The following MMP16 variants were observed in gnomAD, a reference collection of about 807,000 sequenced individuals.
MMP16 encodes matrix metallopeptidase 16, also known as matrix metalloproteinase-16.
MMP16 carries 12 observed loss-of-function variants against 67.8 expected under a neutral mutation model. The observed-to-expected ratio is 0.18, with a 90% confidence interval of 0.11 to 0.29. The LOEUF (loss-of-function observed/expected upper bound fraction) is 0.29, where lower values mean the gene tolerates loss of function less well. MMP16 is among the 10% of genes least tolerant of loss of function. The pLI is 1.00. For missense variants in MMP16, 475 were observed against 765.7 expected (o/e 0.62, Z 4.48); for synonymous variants, 249 against 255.9 (o/e 0.97, Z 0.26).
intron 6 of MMP16, among the ~76,000 whole-genome samples, chr8:88,112,163 G>A (rs139911425): frequency 6.7e-6 from 1 of 150,226 alleles, no homozygotes; most frequent in East Asian, 2.0e-4. Context: ...TTAAAGAACT[G>A]GTCAGTAATG....
chr8:88,137,809 T>G (rs1808146197), intron 4 of MMP16, among the ~76,000 whole-genome samples: 1 of 152,018 alleles, frequency 6.6e-6, no homozygotes, highest in Non-Finnish European at 1.5e-5. Flanking sequence ...TCTTTGTGCT[T>G]AAGCCTGGAT....
At chr8:88,061,125 T>TATAC (rs1171801011) in intron 7 of MMP16, among the ~76,000 whole-genome samples, 2 of 116,640 alleles carry the variant, frequency 1.7e-5, no homozygotes, top group East Asian at 2.1e-4. Flanking sequence ...ATCTGAATAT[T>TATAC]ATACACACAC....
chr8:88,059,322 A>G (rs1408900237), intron 7 of MMP16, among the ~76,000 whole-genome samples: 1 of 152,102 alleles, frequency 6.6e-6, no homozygotes, highest in Non-Finnish European at 1.5e-5. Flanking sequence ...GAGAAAGAAG[A>G]GGCAGTGTTA....
At chr8:88,210,458 A>T (rs914440119) in intron 1 of MMP16, among the ~76,000 whole-genome samples, 2 of 152,184 alleles carry the variant, frequency 1.3e-5, no homozygotes, top group Non-Finnish European at 2.9e-5. Context: ...CCCAGTTGAT[A>T]ACACAATCAA....
chr8:88,197,355 A>G (rs1247207667), intron 1 of MMP16, 49 bp from the exon 2 acceptor site: 3 of 1,463,170 alleles, frequency 2.1e-6, no homozygotes, highest in Admixed American at 5.2e-5. Flanking sequence ...CAATTTAACA[A>G]TAATTTTCTG....
At chr8:88,230,854 T>C (rs1306037290) in intron 1 of MMP16, among the ~76,000 whole-genome samples, 1 of 152,136 alleles carries the variant, frequency 6.6e-6, no homozygotes, top group Non-Finnish European at 1.5e-5. Context: ...GATCTCTCTG[T>C]GAGTCATATG....
At chr8:88,235,131 G>T (rs953292868) in intron 1 of MMP16, among the ~76,000 whole-genome samples, 27 of 152,184 alleles carry the variant, frequency 1.8e-4, no homozygotes, top group African/African-American at 6.0e-4. Flanking sequence ...TTTTAAAAAA[G>T]TTTCACTAGA....
At position 88,046,539 on chromosome 8, in the gene MMP16, A is replaced by G. The variant is rs963031391; in HGVS notation, c.1489+130T>C. 43 of 422,052 alleles carry G rather than the reference A, an allele frequency of 1.0e-4. 1 individual carries two copies. The highest frequency in any genetic ancestry group is 8.4e-4 in the African/African-American group (41 of 49,098). The allele number at this position is 422,052 out of a possible 1,614,324, so 26.1% of individuals were successfully genotyped here. On this transcript the variant is annotated intron_variant, in intron 9 of 9. Transcript: ENST00000286614. The stretch of plus-strand genomic sequence containing the variant: ...TGTAAATCTAGGAAAAAAAGTTCAT[A>G]TAAATAGAAATACAGTATTACATAG...
intron 1 of MMP16, among the ~76,000 whole-genome samples, chr8:88,268,579 T>C (rs1810515992): frequency 6.6e-6 from 1 of 152,184 alleles, no homozygotes; most frequent in African/African-American, 2.4e-5. Flanking sequence ...AGAGGTTTTC[T>C]GGTTAAAAGG....
intron 1 of MMP16, among the ~76,000 whole-genome samples, chr8:88,319,401 G>A (rs1811424109): frequency 6.6e-6 from 1 of 151,850 alleles, no homozygotes; most frequent in Non-Finnish European, 1.5e-5. Flanking sequence ...TAAGCCTGGG[G>A]TCCTGCAAAG....
At chr8:88,048,496 C>T (rs143338604) in intron 8 of MMP16, among the ~76,000 whole-genome samples, 11 of 152,282 alleles carry the variant, frequency 7.2e-5, no homozygotes, top group African/African-American at 2.4e-4. Flanking sequence ...TCACCTATTT[C>T]GGGCAGCCCT....
chr8:88,221,277 C>T (rs1392649354), intron 1 of MMP16, among the ~76,000 whole-genome samples: 1 of 152,016 alleles, frequency 6.6e-6, no homozygotes, highest in Non-Finnish European at 1.5e-5. Context: ...TGTCAAATGC[C>T]AAAAGAAAAC....
intron 7 of MMP16, among the ~76,000 whole-genome samples, chr8:88,068,953 C>A (rs934049738): frequency 6.6e-6 from 1 of 152,090 alleles, no homozygotes; most frequent in African/African-American, 2.4e-5. Context: ...CCACTTGCCT[C>A]CCCCTCCCAA....
intron 6 of MMP16, among the ~76,000 whole-genome samples, chr8:88,113,302 GA>G (rs1178960570): frequency 1.3e-5 from 2 of 151,824 alleles, no homozygotes; most frequent in Non-Finnish European, 2.9e-5. Flanking sequence ...AGATGCTAAG[GA>G]GGGAATATTT....
chr8:88,261,932 C>T (rs1322310283), intron 1 of MMP16, among the ~76,000 whole-genome samples: 1 of 151,992 alleles, frequency 6.6e-6, no homozygotes, highest in African/African-American at 2.4e-5. Flanking sequence ...TTATAAATAA[C>T]TAAAGACTCA....
rs75033733 is a variant in MMP16, at chr8:88,182,149, C to T, written c.404+4327G>A. On this transcript the variant is annotated intron_variant, in intron 3 of 9. Coordinates refer to ENST00000286614, the MANE Select transcript of MMP16 (RefSeq NM_005941.5). ...CACAATACGAGAAGGAAAGAAAATGCTAAGTTGGACATTATTAAAATTACA... is the reference window on the plus strand; with the variant it reads ...CACAATACGAGAAGGAAAGAAAATGTTAAGTTGGACATTATTAAAATTACA... Among the ~76,000 whole-genome samples the T allele has an allele frequency of 9.6e-3, 1,459 of 151,980 alleles. 18 individuals carry two copies. The highest frequency in any genetic ancestry group is 0.034 in the African/African-American group (1,395 of 41,464).
chr8:88,269,119 A>G (rs1054812982), intron 1 of MMP16, among the ~76,000 whole-genome samples: 6 of 152,202 alleles, frequency 3.9e-5, no homozygotes, highest in African/African-American at 1.4e-4. Flanking sequence ...AGAACAGACC[A>G]CAGGAAAGCA....
chr8:88,264,191 T>TACAC (rs796512860), intron 1 of MMP16, among the ~76,000 whole-genome samples: 13 of 150,742 alleles, frequency 8.6e-5, no homozygotes, highest in Non-Finnish European at 1.9e-4. Context: ...CGTGCACACA[T>TACAC]ACACACACAC....
chr8:88,244,337 C>T (rs1810078008), intron 1 of MMP16, among the ~76,000 whole-genome samples: 1 of 152,156 alleles, frequency 6.6e-6, no homozygotes, highest in Admixed American at 6.5e-5. Flanking sequence ...CCTGCAGAAT[C>T]TTAAACGTGA....
Sources: gnomAD v4.1 joint callset for allele counts (sites outside exome capture counted in the v4.1 genomes callset) on GRCh38, gnomAD v4.1.1 for gene constraint, MANE v1.5 for transcripts, NCBI Gene and HGNC (gene_info 2026-07-23, HGNC 2026-07-21) for gene names.